Variants in STX1A observed in about 807,000 individuals in gnomAD.
STX1A encodes syntaxin-1A.
A neutral mutation model predicts 37.8 loss-of-function variants in STX1A; 4 were observed. The observed-to-expected ratio is 0.11, with a 90% CI of 0.05 to 0.24. The LOEUF (loss-of-function observed/expected upper bound fraction) is 0.24. Ranked by LOEUF, STX1A falls within the 10% of genes least tolerant of loss-of-function variation. The pLI is 1.00. For synonymous variants in STX1A, 135 were observed against 147.4 expected, an observed-to-expected ratio of 0.92 and a Z score of 0.61; for missense variants, 251 against 399.9, an observed-to-expected ratio of 0.63 and a Z score of 3.18.
chr7:73,716,170 C>T (rs1316380050), intron 1 of STX1A, among the ~76,000 whole-genome samples: 1 of 152,262 alleles, frequency 6.6e-6, no homozygotes, highest in East Asian at 1.9e-4. Flanking sequence ...ATGCATCGTT[C>T]ATGCTGGGAA....
rs1798592577 is a variant in STX1A at position 73,700,148 on chromosome 7, C to T, written c.*259G>A. The T allele has an allele frequency of 8.9e-6, 5 of 560,274 alleles. No homozygotes were observed. The highest frequency in any genetic ancestry group is 8.4e-5 in the South Asian group (4 of 47,812). The allele number at this position is 560,274 out of a possible 1,614,324, so 34.7% of individuals were successfully genotyped here. On this transcript the variant is annotated 3_prime_UTR_variant, in exon 10 of 10. Coordinates refer to ENST00000222812, the MANE Select transcript of STX1A (RefSeq NM_004603.4). This position sits in a 1 kb window ranked among gnomAD's most constrained non-coding sequence, Gnocchi z 4.4. ...ACCCTGGCGGCCCTGCCTGGGTCTG[C>T]TCCTCGCTGTGCACACTGCATCACG...
chr7:73,705,136 C>T lies in STX1A; in HGVS notation c.283+14G>A. Reference sequence around the variant, plus strand: ...AGAATGCCCCCCACCCACCCCCAGACAAGCCTGACTCACTCTTTAACTTGG... The same window carrying T: ...AGAATGCCCCCCACCCACCCCCAGATAAGCCTGACTCACTCTTTAACTTGG... On this transcript the variant is annotated intron_variant, in intron 4 of 9. Transcript: ENST00000222812. The surrounding 1 kb of genome is among the most constrained non-coding windows in gnomAD (Gnocchi z 5.2). 1 of 1,612,524 alleles carries T rather than the reference C, an allele frequency of 6.2e-7. No individual in the cohort carries two copies. The highest frequency in any genetic ancestry group is 1.7e-5 in the Admixed American group (1 of 60,004).
In STX1A at chr7:73,706,811, G is replaced by A. The variant is rs782556322; in HGVS notation, c.209-1587C>T. On this transcript the variant is annotated intron_variant, in intron 3 of 9. Coordinates refer to ENST00000222812, the MANE Select transcript of STX1A (RefSeq NM_004603.4). The surrounding 1 kb of genome is among the most constrained non-coding windows in gnomAD (Gnocchi z 4.6). Reference sequence around the variant, plus strand: ...CACAGTGACCCAGATACCTCTGGGCGCACAGACATCCGTCTCATGCTGCCA... The same window carrying A: ...CACAGTGACCCAGATACCTCTGGGCACACAGACATCCGTCTCATGCTGCCA... Among the ~76,000 whole-genome samples the A allele has an allele frequency of 6.6e-6, 1 of 152,190 alleles. No homozygotes were observed. The highest frequency in any genetic ancestry group is 1.5e-5 in the Non-Finnish European group (1 of 68,048).
intron 1 of STX1A, among the ~76,000 whole-genome samples, chr7:73,712,677 G>C (rs1453320196): frequency 6.6e-6 from 1 of 152,096 alleles, no homozygotes; most frequent in Non-Finnish European, 1.5e-5. Flanking sequence ...CCAACTGTTA[G>C]AGTCCTTCTC....
chr7:73,700,704 G>T lies in STX1A; in HGVS notation c.789+26C>A. ...GGTCCCTAATGGGTGCTGGGGCATGGCCTTGGGCAGGGCTGGGCTACTGAC... is the reference window on the plus strand; with the variant it reads ...GGTCCCTAATGGGTGCTGGGGCATGTCCTTGGGCAGGGCTGGGCTACTGAC... On this transcript the variant is annotated intron_variant, in intron 9 of 9. Coordinates refer to ENST00000222812, the MANE Select transcript of STX1A (RefSeq NM_004603.4). This position sits in a 1 kb window ranked among gnomAD's most constrained non-coding sequence, Gnocchi z 4.4. 6.2e-7 allele frequency: 1 copy of T among 1,612,932 alleles called. No individual in the cohort carries two copies. Among genetic ancestry groups the T allele is most frequent in the South Asian group, 1.1e-5 (1 of 91,060 alleles).
At chr7:73,718,099 C>T (rs573864251) in intron 1 of STX1A, among the ~76,000 whole-genome samples, 8 of 152,266 alleles carry the variant, frequency 5.3e-5, no homozygotes, top group East Asian at 1.9e-4. Context: ...CACAGCCATC[C>T]GTCACCAGGA....
At position 73,704,130 on chromosome 7, in the gene STX1A, G is replaced by GCCCCCC; in HGVS notation, c.466+17_466+18insGGGGGG. The stretch of plus-strand genomic sequence containing the variant: ...CTCCAGGCTCCAGGCCCCGCCCCAG[G>GCCCCCC]CCCCACCCCCAGCTCACTGATCTCC... On this transcript the variant is annotated intron_variant, in intron 6 of 9. Coordinates refer to ENST00000222812, the MANE Select transcript of STX1A (RefSeq NM_004603.4). 12 of 1,577,348 alleles carry GCCCCCC rather than the reference G, an allele frequency of 7.6e-6. No homozygotes were observed. The highest frequency in any genetic ancestry group is 1.1e-5 in the South Asian group (1 of 89,972).
At chr7:73,719,393 G>C (rs915669410) in intron 1 of STX1A, among the ~76,000 whole-genome samples, 1 of 152,164 alleles carries the variant, frequency 6.6e-6, no homozygotes, top group Non-Finnish European at 1.5e-5. Flanking sequence ...GTGTCAGCGC[G>C]GCCGAGCTCA....
chr7:73,718,881 A>C (rs1554619123), intron 1 of STX1A, among the ~76,000 whole-genome samples: 2 of 151,952 alleles, frequency 1.3e-5, no homozygotes, highest in African/African-American at 2.4e-5. Context: ...AGTCGCAAGG[A>C]ACCCTGAAGG....
At position 73,705,706 on chromosome 7, in the gene STX1A, C is replaced by A; in HGVS notation, c.209-482G>T. Reference sequence around the variant, plus strand: ...TCCCTGAGTCATATGCGCAAACACTCTGGGTGGGGCAGACCTTGCTGTTCC... The same window carrying A: ...TCCCTGAGTCATATGCGCAAACACTATGGGTGGGGCAGACCTTGCTGTTCC... On this transcript the variant is annotated intron_variant, in intron 3 of 9. Transcript: ENST00000222812. This position sits in a 1 kb window ranked among gnomAD's most constrained non-coding sequence, Gnocchi z 5.2. The A allele has an allele frequency of 6.0e-6, 1 of 167,314 alleles. No homozygotes were observed. 10.4% of individuals were successfully genotyped at this position (167,314 alleles called of 1,614,324 possible).
Position 73,713,590 on chromosome 7 carries a change from C to T in STX1A, c.31-4468G>A, listed in dbSNP as rs184523440. Among the ~76,000 whole-genome samples, 14 of 152,272 alleles carry T rather than the reference C, an allele frequency of 9.2e-5. No individual in the cohort carries two copies. In the East Asian group the frequency reaches 2.5e-3, roughly 27 times the overall value. On this transcript the variant is annotated intron_variant, in intron 1 of 9. Transcript: ENST00000222812. ...TCAAAAGCTACAAAAATTAGCTGGG[C>T]GTGGTGCCATGCATCTGTAATTGCA...
intron 1 of STX1A, chr7:73,716,510 C>G (rs1243907597): frequency 6.6e-6 from 1 of 152,482 alleles, no homozygotes; most frequent in Non-Finnish European, 1.5e-5. Flanking sequence ...GTCAGGACCA[C>G]CTGCTATTCT....
intron 1 of STX1A, among the ~76,000 whole-genome samples, chr7:73,719,113 G>A (rs1799401146): frequency 6.6e-6 from 1 of 151,806 alleles, no homozygotes; most frequent in Non-Finnish European, 1.5e-5. Flanking sequence ...CCCGCAGCGG[G>A]GCCCCGCGCA....
At chr7:73,710,759 G>A (rs1799072220) in intron 1 of STX1A, among the ~76,000 whole-genome samples, 1 of 152,220 alleles carries the variant, frequency 6.6e-6, no homozygotes, top group Admixed American at 6.5e-5. Flanking sequence ...CCTCACGGGA[G>A]TGGCCACTGA....
intron 2 of STX1A, 127 bp from the exon 3 acceptor site, chr7:73,708,815 G>A: frequency 3.0e-6 from 3 of 1,015,450 alleles, no homozygotes; most frequent in Non-Finnish European, 4.4e-6. Flanking sequence ...CCGGGTGCTG[G>A]GGTGCAGTGG....
At chr7:73,713,931 GAT>G in intron 1 of STX1A, among the ~76,000 whole-genome samples, 1 of 152,176 alleles carries the variant, frequency 6.6e-6, no homozygotes, top group East Asian at 1.9e-4. Context: ...CTTACGGACG[GAT>G]GTGCCCAGAT....
chr7:73,701,749 C>T (rs1554615940), intron 8 of STX1A, among the ~76,000 whole-genome samples: 2 of 152,164 alleles, frequency 1.3e-5, no homozygotes, highest in East Asian at 1.9e-4. Context: ...AGCCTCCTGA[C>T]GGCCTCCGTA....
At chr7:73,718,613 C>T (rs1799375009) in intron 1 of STX1A, among the ~76,000 whole-genome samples, 1 of 151,894 alleles carries the variant, frequency 6.6e-6, no homozygotes, top group Non-Finnish European at 1.5e-5. Flanking sequence ...GAGCCTTGAT[C>T]CACCCCCCCT....
In STX1A at chr7:73,702,950, A is replaced by G; in HGVS notation, c.573T>C (p.Ala191=). Residue 191 remains alanine (A), a synonymous_variant, in exon 8 of 10, where the codon GCT becomes GCC. Transcript: ENST00000222812. The surrounding 1 kb of genome is among the most constrained non-coding windows in gnomAD (Gnocchi z 4.7). ...IIMDSSISKQ[A]LSEIETRHSE... Reference sequence around the variant, plus strand: ...TGTGCCGCGTCTCAATCTCGCTCAGAGCCTGCTTCGAGATGCTGGAGTCCA... The same window carrying G: ...TGTGCCGCGTCTCAATCTCGCTCAGGGCCTGCTTCGAGATGCTGGAGTCCA... The G allele has an allele frequency of 6.2e-7, 1 of 1,606,510 alleles. No homozygotes were observed. The highest frequency in any genetic ancestry group is 8.5e-7 in the Non-Finnish European group (1 of 1,177,842).
Sources: gnomAD v4.1 joint callset for allele counts (sites outside exome capture counted in the v4.1 genomes callset) on GRCh38, gnomAD v4.1.1 for gene constraint, Gnocchi (gnomAD v3.1) non-coding constraint, MANE v1.5 for transcripts, NCBI Gene and HGNC (gene_info 2026-07-23, HGNC 2026-07-21) for gene names.